RBFOX1: variants seen among roughly 807,000 people sequenced by gnomAD.
The protein encoded by RBFOX1 is RNA binding fox-1 homolog 1.
In RBFOX1, 8 loss-of-function variants were observed where a neutral mutation model predicts 57.7. That is an observed-to-expected ratio of 0.14 (90% CI 0.08 to 0.25). RBFOX1 has a LOEUF of 0.25. Ranked by LOEUF, RBFOX1 falls within the 10% of genes least tolerant of loss-of-function variation. The pLI is 1.00. For missense variants in RBFOX1, 611 were observed against 548.5 expected, an observed-to-expected ratio of 1.11 and a Z score of -1.14; for synonymous variants, 326 against 222.4, an observed-to-expected ratio of 1.47 and a Z score of -4.15.
intron 5 of RBFOX1, among the ~76,000 whole-genome samples, chr16:7,524,323 C>A (rs1033487418): frequency 1.3e-5 from 2 of 152,160 alleles, no homozygotes; most frequent in African/African-American, 2.4e-5. Context: ...AAAAGACTTA[C>A]CAGGTCATCC....
intron 2 of RBFOX1, among the ~76,000 whole-genome samples, chr16:6,532,190 CTCTT>C (rs2096667461): frequency 6.6e-6 from 1 of 152,288 alleles, no homozygotes; most frequent in South Asian, 2.1e-4. Context: ...CTTTAGGAAA[CTCTT>C]TATCTTCCAG....
At chr16:6,797,617 C>T (rs375964790) in intron 3 of RBFOX1, among the ~76,000 whole-genome samples, 2 of 152,094 alleles carry the variant, frequency 1.3e-5, no homozygotes, top group Non-Finnish European at 2.9e-5. Context: ...CCAGCATTAA[C>T]AATAGCATAC....
chr16:7,366,012 T>G (rs1250933684), intron 4 of RBFOX1, among the ~76,000 whole-genome samples: 1 of 152,270 alleles, frequency 6.6e-6, no homozygotes, highest in South Asian at 2.1e-4. Context: ...ACAGAAAGAC[T>G]CTGTGTCAGA....
rs111699354 is a variant in RBFOX1 at position 7,653,868 on chromosome 16, C to T, written c.811C>T (p.His271Tyr). 1.9e-6 allele frequency: 3 copies of T among 1,604,684 alleles called. No individual in the cohort carries two copies. The highest frequency in any genetic ancestry group is 2.5e-6 in the Non-Finnish European group (3 of 1,179,328). Residue 271 changes from histidine (H) to tyrosine (Y), a missense_variant, in exon 12 of 16, where the codon CAC becomes TAC. Around this residue, in one of 3 missense-constraint regions of RBFOX1, gnomAD observed 267 missense variants for 229.1 expected, o/e 1.17. Transcript: ENST00000550418. ...ATAAAAYRGA[H>Y]LRGRGRTVYN... is the part of the protein sequence containing the mutation. The stretch of plus-strand genomic sequence containing the variant: ...CGCCGCGGCCGCCTACCGAGGGGCG[C>T]ACCTGCGAGGCCGCGGTCGCACCGT...
At position 7,047,956 on chromosome 16, in the gene RBFOX1, G is replaced by A. The variant is rs1598024030; in HGVS notation, c.-15-4101G>A. 2.0e-5 allele frequency among the ~76,000 whole-genome samples: 3 copies of A among 151,612 alleles called. No individual in the cohort carries two copies. The South Asian group carries it at 6.2e-4, about 32-fold the overall frequency. ...TGCAGTGGTGCAGTCTTTACTCACT[G>A]CAACCTCCCCCTGCCGGGTTCAAGC... On this transcript the variant is annotated intron_variant, in intron 3 of 15. Transcript: ENST00000550418.
intron 4 of RBFOX1, among the ~76,000 whole-genome samples, chr16:5,940,985 C>A (rs1360606498): frequency 9.2e-5 from 14 of 152,148 alleles, no homozygotes; most frequent in Admixed American, 6.5e-5. Context: ...GAGTCTGTTT[C>A]CTCATCTTTA....
intron 1 of RBFOX1, among the ~76,000 whole-genome samples, chr16:5,285,793 G>C (rs1288806562): frequency 1.3e-5 from 2 of 152,074 alleles, no homozygotes; most frequent in Admixed American, 6.6e-5. Context: ...TCGTTGCTGA[G>C]ATGGAGTCTT....
intron 4 of RBFOX1, among the ~76,000 whole-genome samples, chr16:7,300,497 C>T (rs2096006126): frequency 6.6e-6 from 1 of 152,210 alleles, no homozygotes; most frequent in Non-Finnish European, 1.5e-5. Flanking sequence ...TTCTAAGTCA[C>T]ATCTTGACGT....
intron 4 of RBFOX1, among the ~76,000 whole-genome samples, chr16:7,252,519 C>T (rs1359008503): frequency 6.6e-6 from 1 of 152,082 alleles, no homozygotes; most frequent in East Asian, 1.9e-4. Flanking sequence ...ATATTTCTGG[C>T]TTTTCATTAA....
At chr16:7,536,555 C>G (rs1053437920) in intron 5 of RBFOX1, among the ~76,000 whole-genome samples, 1 of 152,186 alleles carries the variant, frequency 6.6e-6, no homozygotes, top group African/African-American at 2.4e-5. Context: ...GATGGCACCA[C>G]TGCACTCCAG....
intron 2 of RBFOX1, among the ~76,000 whole-genome samples, chr16:6,648,138 C>G (rs936008393): frequency 6.6e-6 from 1 of 150,922 alleles, no homozygotes; most frequent in Admixed American, 6.6e-5. Context: ...CCACTGCACC[C>G]GGCTTCAAGT....
intron 2 of RBFOX1, among the ~76,000 whole-genome samples, chr16:5,472,232 C>T (rs1165080666): frequency 6.6e-6 from 1 of 152,170 alleles, no homozygotes; most frequent in East Asian, 1.9e-4. Flanking sequence ...CTCCTCACTC[C>T]AGAGCTTCCA....
intron 3 of RBFOX1, among the ~76,000 whole-genome samples, chr16:6,998,911 C>G (rs1029455995): frequency 6.6e-6 from 1 of 151,782 alleles, no homozygotes; most frequent in Non-Finnish European, 1.5e-5. Flanking sequence ...CTCTATCACC[C>G]AGGCTGGAGT....
chr16:5,350,003 C>G (rs1596612264), intron 1 of RBFOX1, among the ~76,000 whole-genome samples: 1 of 152,374 alleles, frequency 6.6e-6, no homozygotes, highest in Non-Finnish European at 1.5e-5. Context: ...CTGATGTACA[C>G]TTCACAGTCA....
intron 3 of RBFOX1, among the ~76,000 whole-genome samples, chr16:5,687,313 C>T (rs1007584194): frequency 1.2e-4 from 18 of 152,014 alleles, no homozygotes; most frequent in Admixed American, 5.2e-4. Flanking sequence ...GTGTGTGGAC[C>T]GAGAGAGACA....
At chr16:6,093,279 G>T (rs755570997) in intron 1 of RBFOX1, among the ~76,000 whole-genome samples, 1 of 152,130 alleles carries the variant, frequency 6.6e-6, no homozygotes, top group Non-Finnish European at 1.5e-5. Flanking sequence ...AGAAGCAATT[G>T]ATTTTAAATC....
intron 1 of RBFOX1, among the ~76,000 whole-genome samples, chr16:6,281,475 A>G (rs754888137): frequency 2.6e-5 from 4 of 151,988 alleles, no homozygotes; most frequent in African/African-American, 4.8e-5. Flanking sequence ...TGAATGTGTC[A>G]TGGGAGAAAA....
intron 1 of RBFOX1, among the ~76,000 whole-genome samples, chr16:5,433,764 A>G (rs12930604): frequency 0.57 from 87,134 of 151,808 alleles, 25,210 homozygotes; most frequent in East Asian, 0.67. Flanking sequence ...TCCGTAGCGT[A>G]AGGTGTCAGG....
intron 3 of RBFOX1, among the ~76,000 whole-genome samples, chr16:6,735,066 G>C (rs1049584053): frequency 6.6e-6 from 1 of 152,010 alleles, no homozygotes; most frequent in African/African-American, 2.4e-5. Context: ...GATCACTTGA[G>C]CCAGGGAAGT....
Sources: gnomAD v4.1 joint callset for allele counts (sites outside exome capture counted in the v4.1 genomes callset) on GRCh38, gnomAD v4.1.1 for gene constraint, gnomAD v4.1.1 regional missense constraint, MANE v1.5 for transcripts, NCBI Gene and HGNC (gene_info 2026-07-23, HGNC 2026-07-21) for gene names.